SMOC1: variants seen among roughly 807,000 people sequenced by gnomAD.
SMOC1 encodes SPARC related modular calcium binding 1, also known as SPARC-related modular calcium-binding protein 1.
SMOC1 carries 22 observed loss-of-function variants against 56.3 expected under a neutral mutation model. That is an observed-to-expected ratio of 0.39 (90% CI 0.28 to 0.56). SMOC1 has a LOEUF of 0.56. Among genes scored for constraint, SMOC1 ranks in the 20% least tolerant of loss-of-function variants. The pLI is 0.61. For synonymous variants in SMOC1, 193 were observed against 215.0 expected, an observed-to-expected ratio of 0.90 and a Z score of 0.89; for missense variants, 509 against 565.4, an observed-to-expected ratio of 0.90 and a Z score of 1.01.
At chr14:70,027,147 C>T (rs1885957171) in intron 11 of SMOC1, among the ~76,000 whole-genome samples, 1 of 152,188 alleles carries the variant, frequency 6.6e-6, no homozygotes, top group Non-Finnish European at 1.5e-5. Flanking sequence ...CTAGAAGGCT[C>T]TGTGGGTCCT....
At chr14:69,919,885 A>G (rs1884786336) in intron 1 of SMOC1, among the ~76,000 whole-genome samples, 1 of 151,348 alleles carries the variant, frequency 6.6e-6, no homozygotes, top group Non-Finnish European at 1.5e-5. Flanking sequence ...AACCATCTGG[A>G]CTAAATCATC....
At chr14:69,993,710 G>A (rs1388482574) in intron 6 of SMOC1, among the ~76,000 whole-genome samples, 1 of 152,180 alleles carries the variant, frequency 6.6e-6, no homozygotes, top group African/African-American at 2.4e-5. Context: ...AAAGGTCCTG[G>A]ATCATTGACA....
Position 69,992,472 on chromosome 14 carries a change from T to A in SMOC1, c.582T>A (p.Asp194Glu). 6.2e-7 allele frequency: 1 copy of A among 1,612,348 alleles called. No individual in the cohort carries two copies. The highest frequency in any genetic ancestry group is 1.1e-5 in the South Asian group (1 of 91,050). The part of the protein sequence containing the change: ...TMETQPVFDG[D>E]EITAPTLWIK... ...AGACCCAGCCGGTGTTCGATGGAGA[T>A]GGTAAGATCTTGCATTACTTCTGAT... Residue 194 changes from aspartate to glutamate, a missense_variant and splice_region_variant, in exon 6 of 12, where the codon GAT becomes GAA. This residue lies in a region of SMOC1 where 315 missense variants were observed against 333.1 expected (regional missense o/e 0.95). Coordinates refer to ENST00000361956, the MANE Select transcript of SMOC1 (RefSeq NM_001034852.3).
chr14:69,997,817 A>T (rs992135269), intron 7 of SMOC1, among the ~76,000 whole-genome samples: 8 of 152,106 alleles, frequency 5.3e-5, no homozygotes, highest in Non-Finnish European at 1.2e-4. Context: ...ACAGTTTTTC[A>T]TTAGAGTTTG....
Position 69,953,511 on chromosome 14 carries a change from C to A in SMOC1, c.357C>A (p.Gly119=). 1.2e-6 allele frequency: 2 copies of A among 1,614,184 alleles called. No homozygotes were observed. The highest frequency in any genetic ancestry group is 8.5e-7 in the Non-Finnish European group (1 of 1,179,994). ...PQEAVFVPEC[G]EDGSFTQVQC... ...AAGCTGTGTTTGTCCCAGAGTGTGG[C>A]GAGGATGGCTCCTTTACCCAGGTGA... The change falls in exon 3 of 12, where the codon GGC becomes GGA. Residue 119 remains glycine, a synonymous_variant. Coordinates refer to ENST00000361956, the MANE Select transcript of SMOC1 (RefSeq NM_001034852.3).
chr14:69,980,104 A>T (rs905307215), intron 5 of SMOC1, among the ~76,000 whole-genome samples: 24 of 152,172 alleles, frequency 1.6e-4, no homozygotes, highest in African/African-American at 5.3e-4. Context: ...TTTACAGTCA[A>T]CAGTGAGCAC....
intron 1 of SMOC1, among the ~76,000 whole-genome samples, chr14:69,922,504 G>A (rs989155985): frequency 2.0e-5 from 3 of 152,138 alleles, no homozygotes; most frequent in East Asian, 1.9e-4. Context: ...ATTGCTGTCC[G>A]GTGTAATGTG....
intron 5 of SMOC1, among the ~76,000 whole-genome samples, chr14:69,987,709 A>C (rs1884415010): frequency 6.6e-6 from 1 of 152,108 alleles, no homozygotes; most frequent in South Asian, 2.1e-4. Context: ...CCTGGCATTT[A>C]TCTCTCCTCG....
chr14:70,007,233 A>T (rs796932534), intron 7 of SMOC1, among the ~76,000 whole-genome samples: 1 of 152,210 alleles, frequency 6.6e-6, no homozygotes. Flanking sequence ...TTTCTGTTCA[A>T]TGAGGATAAC....
intron 10 of SMOC1, among the ~76,000 whole-genome samples, chr14:70,022,483 G>A (rs1295440137): frequency 6.6e-6 from 1 of 152,208 alleles, no homozygotes; most frequent in East Asian, 1.9e-4. Context: ...GTCCACCCCA[G>A]ATCCCCTGAC....
intron 10 of SMOC1, among the ~76,000 whole-genome samples, chr14:70,018,365 C>G (rs1167055442): frequency 9.8e-6 from 1 of 101,790 alleles, no homozygotes; most frequent in Non-Finnish European, 2.2e-5. Flanking sequence ...GGCATCTACT[C>G]CCTTTTCTGG....
chr14:69,978,225 A>G, intron 5 of SMOC1: 1 of 536,244 alleles, frequency 1.9e-6, no homozygotes, highest in Non-Finnish European at 3.4e-6. Flanking sequence ...TTAGAATGTG[A>G]GCCCTAGGAA....
In SMOC1 at chr14:69,966,759, C is replaced by T. The variant is rs572705243; in HGVS notation, c.379-8956C>T. ...TTTACCTTGACTTGAGAGCTGTCTT[C>T]CTATAACTTCCAAGAGATGACTTCA... On this transcript the variant is annotated intron_variant, in intron 3 of 11. Coordinates refer to ENST00000361956, the MANE Select transcript of SMOC1 (RefSeq NM_001034852.3). Among the ~76,000 whole-genome samples, 14 of 152,306 alleles carry T rather than the reference C, an allele frequency of 9.2e-5. No individual in the cohort carries two copies. In the South Asian group the frequency reaches 1.4e-3, roughly 16 times the overall value.
Position 70,011,585 on chromosome 14 carries a change from C to A in SMOC1, c.940+18C>A, listed in dbSNP as rs766333067. ...GCTACCAGGTGGGAGACGATGCTGCCCTGCCGGCGCCATCACCTCCTTCTG... is the reference window on the plus strand; with the variant it reads ...GCTACCAGGTGGGAGACGATGCTGCACTGCCGGCGCCATCACCTCCTTCTG... On this transcript the variant is annotated intron_variant, in intron 9 of 11. Transcript: ENST00000361956. 13 of 1,610,438 alleles carry A rather than the reference C, an allele frequency of 8.1e-6. No individual in the cohort carries two copies. Among genetic ancestry groups the A allele is most frequent in the Non-Finnish European group, 5.9e-6 (7 of 1,176,642 alleles).
intron 1 of SMOC1, among the ~76,000 whole-genome samples, chr14:69,924,486 C>T (rs1438417075): frequency 6.6e-6 from 1 of 151,940 alleles, no homozygotes; most frequent in African/African-American, 2.4e-5. Flanking sequence ...TCCCACATTC[C>T]GTAATGGGAA....
At chr14:69,988,158 T>C (rs1415401948) in intron 5 of SMOC1, among the ~76,000 whole-genome samples, 2 of 152,234 alleles carry the variant, frequency 1.3e-5, no homozygotes, top group African/African-American at 4.8e-5. Flanking sequence ...GTGGTAATAC[T>C]ATTATTACCG....
chr14:69,980,804 AG>A (rs1261441427), intron 5 of SMOC1, among the ~76,000 whole-genome samples: 3 of 152,206 alleles, frequency 2.0e-5, no homozygotes. Flanking sequence ...ACCCTTGTGC[AG>A]GGTGATGGAT....
rs534234052 is a variant in SMOC1, at chr14:69,929,056, C to T, written c.100-23082C>T. On this transcript the variant is annotated intron_variant, in intron 1 of 11. Transcript: ENST00000361956. ...TCTCTTCCAGGAGCTGGGAGTCTCCCCGGGGTTGCAAGCTTGCAAGCTGCA... is the reference window on the plus strand; with the variant it reads ...TCTCTTCCAGGAGCTGGGAGTCTCCTCGGGGTTGCAAGCTTGCAAGCTGCA... 2.0e-5 allele frequency among the ~76,000 whole-genome samples: 3 copies of T among 152,224 alleles called. No homozygotes were observed. In the East Asian group the frequency reaches 5.8e-4, roughly 29 times the overall value.
At chr14:69,943,617 A>T (rs983923261) in intron 1 of SMOC1, among the ~76,000 whole-genome samples, 3 of 152,228 alleles carry the variant, frequency 2.0e-5, no homozygotes, top group African/African-American at 7.2e-5. Context: ...AGCCGCAGCT[A>T]GACGTCTGGA....
Sources: allele counts gnomAD v4.1 joint callset (sites outside exome capture counted in the v4.1 genomes callset), GRCh38; gene constraint gnomAD v4.1.1; regional missense constraint gnomAD v4.1.1; transcripts MANE v1.5; gene names NCBI Gene and HGNC (gene_info 2026-07-23, HGNC 2026-07-21).